Variants in CCBE1 observed in about 807,000 individuals in gnomAD.
The protein encoded by CCBE1 is collagen and calcium binding EGF domains 1, also known as collagen and calcium-binding EGF domain-containing protein 1.
CCBE1 carries 37 observed loss-of-function variants against 50.0 expected under a neutral mutation model. The observed-to-expected ratio is 0.74, with a 90% CI of 0.57 to 0.97. CCBE1 has a LOEUF of 0.97. CCBE1 is among the 50% of genes least tolerant of loss of function. The probability of loss-of-function intolerance (pLI) is 0.00; values close to 1 mark genes in which losing one functional copy is unlikely to be tolerated. For missense variants in CCBE1, 538 were observed against 523.8 expected (o/e 1.03, Z -0.26); for synonymous variants, 234 against 203.7 (o/e 1.15, Z -1.27).
At chr18:59,589,807 A>G (rs1413933941) in intron 2 of CCBE1, among the ~76,000 whole-genome samples, 2 of 132,468 alleles carry the variant, frequency 1.5e-5, no homozygotes, top group Non-Finnish European at 3.3e-5. Flanking sequence ...AAAAAAAAAA[A>G]AAAAGAAAGA....
At chr18:59,692,200 A>G (rs12454887) in intron 2 of CCBE1, among the ~76,000 whole-genome samples, 54,373 of 152,096 alleles carry the variant, frequency 0.36, 10,491 homozygotes, top group East Asian at 0.53. Context: ...AACATTCAAC[A>G]TGCAGACTTG....
chr18:59,499,164 G>C (rs1472534854), intron 2 of CCBE1, among the ~76,000 whole-genome samples: 2 of 152,176 alleles, frequency 1.3e-5, no homozygotes, highest in Non-Finnish European at 2.9e-5. Flanking sequence ...AAAAGAAATG[G>C]ACACCATAAG....
At chr18:59,469,336 G>T in intron 4 of CCBE1, 137 bp downstream of exon 4, 1 of 1,209,026 alleles carries the variant, frequency 8.3e-7, no homozygotes. Flanking sequence ...ATGAAGGGCA[G>T]TGATAAGCTA....
At chr18:59,601,339 C>T (rs1403031102) in intron 2 of CCBE1, among the ~76,000 whole-genome samples, 18 of 152,016 alleles carry the variant, frequency 1.2e-4, no homozygotes, top group Admixed American at 1.2e-3. Flanking sequence ...GGGGCAGGGT[C>T]TTTCCCATGC....
chr18:59,668,038 G>T (rs1415513828), intron 2 of CCBE1, among the ~76,000 whole-genome samples: 1 of 152,118 alleles, frequency 6.6e-6, no homozygotes, highest in African/African-American at 2.4e-5. Flanking sequence ...ATGACAGGTT[G>T]ATGGGTGCAG....
At chr18:59,664,874 C>G (rs1411892201) in intron 2 of CCBE1, among the ~76,000 whole-genome samples, 1 of 152,138 alleles carries the variant, frequency 6.6e-6, no homozygotes, top group Non-Finnish European at 1.5e-5. Flanking sequence ...CTGGCACTGT[C>G]TCAGGCAAAT....
chr18:59,542,632 A>G (rs1313392096), intron 2 of CCBE1, among the ~76,000 whole-genome samples: 1 of 152,238 alleles, frequency 6.6e-6, no homozygotes, highest in East Asian at 1.9e-4. Context: ...GCACTGTTTT[A>G]AAGAATTTAT....
chr18:59,452,780 G>A (rs531718338), intron 6 of CCBE1, among the ~76,000 whole-genome samples: 1 of 152,292 alleles, frequency 6.6e-6, no homozygotes, highest in South Asian at 2.1e-4. Flanking sequence ...TTTCTGGGCT[G>A]TGGAATGCAA....
Position 59,559,315 on chromosome 18 carries a change from G to A in CCBE1, c.213-79077C>T, listed in dbSNP as rs186805979. Among the ~76,000 whole-genome samples, 861 of 152,338 alleles carry A rather than the reference G, an allele frequency of 5.7e-3. 4 individuals are homozygous for A. The highest frequency in any genetic ancestry group is 9.0e-3 in the Non-Finnish European group (612 of 68,028). ...CTGCAGGACGCAGCACAGGGAAGAA[G>A]AAAAACCTCTGTTGCAGGCTTACCC... On this transcript the variant is annotated intron_variant, in intron 2 of 10. Coordinates refer to ENST00000439986, the MANE Select transcript of CCBE1 (RefSeq NM_133459.4).
At chr18:59,503,561 C>G (rs1022670748) in intron 2 of CCBE1, among the ~76,000 whole-genome samples, 14 of 152,192 alleles carry the variant, frequency 9.2e-5, no homozygotes, top group Non-Finnish European at 1.5e-4. Context: ...TGCCTCCCTT[C>G]TCCATCCCTG....
chr18:59,558,936 C>T lies in CCBE1; in HGVS notation c.213-78698G>A, dbSNP rs143267304. Among the ~76,000 whole-genome samples the T allele has an allele frequency of 3.9e-3, 600 of 152,348 alleles. 3 individuals carry two copies. Among genetic ancestry groups the T allele is most frequent in the African/African-American group, 0.013 (555 of 41,580 alleles). On this transcript the variant is annotated intron_variant, in intron 2 of 10. Transcript: ENST00000439986. ...AATAAAATCACGTTTCACCTGCCTA[C>T]GGCCCCCTAAGTGCTCTTTCTGTTC...
chr18:59,483,281 A>T (rs1912662362), intron 2 of CCBE1, among the ~76,000 whole-genome samples: 1 of 152,208 alleles, frequency 6.6e-6, no homozygotes, highest in Non-Finnish European at 1.5e-5. Flanking sequence ...TACTCTTGCA[A>T]ATTAGTATAA....
intron 2 of CCBE1, among the ~76,000 whole-genome samples, chr18:59,567,826 G>C (rs1323771954): frequency 2.0e-5 from 3 of 152,224 alleles, no homozygotes; most frequent in Non-Finnish European, 1.5e-5. Flanking sequence ...CCAACAGTGT[G>C]CAGATTTAAA....
At chr18:59,670,310 G>C (rs573149997) in intron 2 of CCBE1, among the ~76,000 whole-genome samples, 1 of 152,168 alleles carries the variant, frequency 6.6e-6, no homozygotes, top group East Asian at 1.9e-4. Context: ...GAATGATTTG[G>C]GGAAGAAAAG....
intron 10 of CCBE1, 83 bp from the exon 11 acceptor site, chr18:59,436,224 T>C: frequency 1.7e-6 from 2 of 1,194,750 alleles, no homozygotes; most frequent in South Asian, 1.2e-5. Context: ...TGCTGCTTGC[T>C]GGCAACTACT....
At chr18:59,516,532 TA>T (rs1239084843) in intron 2 of CCBE1, among the ~76,000 whole-genome samples, 3 of 152,150 alleles carry the variant, frequency 2.0e-5, no homozygotes, top group East Asian at 1.9e-4. Flanking sequence ...ATTCCACTGA[TA>T]GGGGCAAAAC....
intron 2 of CCBE1, among the ~76,000 whole-genome samples, chr18:59,545,851 C>CCTG (rs1170582035): frequency 1.3e-5 from 2 of 152,206 alleles, no homozygotes; most frequent in African/African-American, 4.8e-5. Context: ...CCTTTCACCT[C>CCTG]CTGCCATGAT....
In CCBE1 at chr18:59,435,935, C is replaced by G; in HGVS notation, c.1194G>C (p.Leu398Phe). The G allele has an allele frequency of 6.2e-7, 1 of 1,614,114 alleles. No homozygotes were observed. Among genetic ancestry groups the G allele is most frequent in the Non-Finnish European group, 8.5e-7 (1 of 1,180,024 alleles). Residue 398 changes from leucine to phenylalanine, a missense_variant, in exon 11 of 11, where the codon TTG becomes TTC. By Grantham distance (22) the Leu-to-Phe change is conservative. Transcript: ENST00000439986. ...DHPRRTETRD[L>F]RAPRDFYP ...ATGGGTAGAAGTCTCTGGGGGCTCT[C>G]AAGTCTCTTGTCTCAGTTCTTCTTG...
chr18:59,506,720 A>C (rs114540482), intron 2 of CCBE1, among the ~76,000 whole-genome samples: 2 of 152,190 alleles, frequency 1.3e-5, no homozygotes. Flanking sequence ...GACATGGTGC[A>C]CCCAGACCAG....
Sources: gnomAD v4.1 joint callset for allele counts (sites outside exome capture counted in the v4.1 genomes callset) on GRCh38, gnomAD v4.1.1 for gene constraint, MANE v1.5 for transcripts, NCBI Gene and HGNC (gene_info 2026-07-23, HGNC 2026-07-21) for gene names.